The following ADAM9 variants were observed in gnomAD, a reference collection of about 807,000 sequenced individuals.
The protein encoded by ADAM9 is disintegrin and metalloproteinase domain-containing protein 9.
Under a neutral mutation model 108.1 loss-of-function variants are expected in ADAM9, and 54 were observed. The ratio of observed to expected loss-of-function variants is 0.50; its 90% CI spans 0.40 to 0.63. The LOEUF (loss-of-function observed/expected upper bound fraction) is 0.63, where lower values mean the gene tolerates loss of function less well. ADAM9 is among the 20% of genes least tolerant of loss of function. ADAM9 has a pLI of 0.00. For missense variants in ADAM9, 830 were observed against 997.7 expected (o/e 0.83, Z 2.26); for synonymous variants, 316 against 336.0 (o/e 0.94, Z 0.65).
intron 20 of ADAM9, among the ~76,000 whole-genome samples, chr8:39,094,572 CT>C (rs1410182140): frequency 3.3e-5 from 5 of 152,108 alleles, no homozygotes; most frequent in Non-Finnish European, 7.4e-5. Context: ...TAATGGGAGA[CT>C]TTTTAAAGTT....
chr8:39,045,656 A>T (rs2129437300), intron 12 of ADAM9, among the ~76,000 whole-genome samples: 1 of 151,918 alleles, frequency 6.6e-6, no homozygotes, highest in African/African-American at 2.4e-5. Flanking sequence ...TGGTATTGTG[A>T]ATAGTGCTGC....
At chr8:39,013,826 A>G in intron 3 of ADAM9, 139 bp from the exon 4 acceptor site, 1 of 726,822 alleles carries the variant, frequency 1.4e-6, no homozygotes, top group Non-Finnish European at 2.4e-6. Context: ...ATTTTACAAT[A>G]GCACATTTAA....
In ADAM9 at chr8:39,023,227, C is replaced by G. The variant is rs1298352861; in HGVS notation, c.816C>G (p.Asn272Lys). 6.2e-7 allele frequency: 1 copy of G among 1,613,618 alleles called. No homozygotes were observed. The highest frequency in any genetic ancestry group is 8.5e-7 in the Non-Finnish European group (1 of 1,179,912). Residue 272 changes from asparagine (N) to lysine (K), a missense_variant, in exon 9 of 22, where the codon AAC becomes AAG. Physicochemically the swap from Asn to Lys is moderately conservative, Grantham distance 94 (BLOSUM62 0). Transcript: ENST00000487273. The part of the protein sequence containing the change: ...LEIWTNGNLI[N>K]IVGGAGDVLG... ...TTTGGACCAATGGAAACCTGATCAA[C>G]ATAGTTGGGGGTGCTGGTGATGTGC... is the stretch of plus-strand genomic sequence containing the variant.
At chr8:39,096,787 T>A (rs926753733) in intron 20 of ADAM9, among the ~76,000 whole-genome samples, 31 of 152,194 alleles carry the variant, frequency 2.0e-4, no homozygotes, top group African/African-American at 6.8e-4. Flanking sequence ...TTAGTGAATC[T>A]TTCAATTTAG....
chr8:39,000,282 G>T lies in ADAM9; in HGVS notation c.97+3122G>T, dbSNP rs1265946154. 4.6e-5 allele frequency among the ~76,000 whole-genome samples: 7 copies of T among 152,138 alleles called. No homozygotes were observed. The South Asian group carries it at 1.2e-3, about 27-fold the overall frequency. On this transcript the variant is annotated intron_variant, in intron 1 of 21. Transcript: ENST00000487273. ...GCTGAGACTACAGGCATGAGCCACCGCGCCCCAGCCTCTCTCACAGTCTTT... is the reference window on the plus strand; with the variant it reads ...GCTGAGACTACAGGCATGAGCCACCTCGCCCCAGCCTCTCTCACAGTCTTT...
chr8:39,101,778 A>AT, intron 20 of ADAM9, 85 bp from the exon 21 acceptor site: 1 of 1,091,130 alleles, frequency 9.2e-7, no homozygotes, highest in Non-Finnish European at 1.4e-6. Context: ...CTGTTTATTG[A>AT]TTTTAAATAT....
chr8:39,026,280 G>C (rs138092608), intron 10 of ADAM9, among the ~76,000 whole-genome samples: 2 of 152,244 alleles, frequency 1.3e-5, no homozygotes, highest in African/African-American at 4.8e-5. Context: ...ACAGGCCCCG[G>C]TGTGTGATGT....
chr8:39,006,057 C>G (rs1836150916), intron 1 of ADAM9, among the ~76,000 whole-genome samples: 1 of 152,144 alleles, frequency 6.6e-6, no homozygotes, highest in African/African-American at 2.4e-5. Flanking sequence ...TAGTGACAGT[C>G]TTTATTTACA....
Position 39,104,954 on chromosome 8 carries a change from A to T in ADAM9, c.*1254A>T, listed in dbSNP as rs374332701. On this transcript the variant is annotated 3_prime_UTR_variant, in exon 22 of 22. Coordinates refer to ENST00000487273, the MANE Select transcript of ADAM9 (RefSeq NM_003816.3). ...AAGTGTTTTTGGTTTGTGTATATATACATATACAAATACAACATTTACAAT... is the reference window on the plus strand; with the variant it reads ...AAGTGTTTTTGGTTTGTGTATATATTCATATACAAATACAACATTTACAAT... 99 of 427,958 alleles carry T rather than the reference A, an allele frequency of 2.3e-4. 1 individual carries two copies. In the East Asian group the frequency reaches 6.9e-3, roughly 30 times the overall value. 26.5% of individuals were successfully genotyped at this position (427,958 alleles called of 1,614,324 possible).
At chr8:39,102,172 G>A (rs1254647343) in intron 21 of ADAM9, among the ~76,000 whole-genome samples, 1 of 152,162 alleles carries the variant, frequency 6.6e-6, no homozygotes, top group Non-Finnish European at 1.5e-5. Flanking sequence ...CAGCTTTCAT[G>A]TGCATACGAT....
intron 16 of ADAM9, 29 bp from the exon 17 acceptor site, chr8:39,082,612 T>C: frequency 6.3e-7 from 1 of 1,574,826 alleles, no homozygotes; most frequent in Non-Finnish European, 8.7e-7. Flanking sequence ...TCAATCTTTC[T>C]TTACTTAGTT....
chr8:39,069,342 G>C (rs1343379291), intron 14 of ADAM9, among the ~76,000 whole-genome samples: 1 of 152,072 alleles, frequency 6.6e-6, no homozygotes, highest in Non-Finnish European at 1.5e-5. Context: ...GATGGCTTCT[G>C]ATTTTAAAGA....
chr8:39,023,248 T>C lies in ADAM9; in HGVS notation c.837T>C (p.Asp279=), dbSNP rs777356419. 1.4e-5 allele frequency: 23 copies of C among 1,613,736 alleles called. No homozygotes were observed. The highest frequency in any genetic ancestry group is 3.3e-5 in the Admixed American group (2 of 59,990). The change falls in exon 9 of 22, where the codon GAT becomes GAC. Residue 279 remains aspartate, a synonymous_variant. Coordinates refer to ENST00000487273, the MANE Select transcript of ADAM9 (RefSeq NM_003816.3). The part of the protein sequence containing the change: ...NLINIVGGAG[D]VLGNFVQWRE... ...TCAACATAGTTGGGGGTGCTGGTGA[T>C]GTGCTGGGGAACTTCGTGCAGTGGC...
In ADAM9 at chr8:39,104,190, A is replaced by G. The variant is rs1282382945; in HGVS notation, c.*490A>G. 4 of 454,146 alleles carry G rather than the reference A, an allele frequency of 8.8e-6. No homozygotes were observed. The Admixed American group carries it at 9.4e-5, about 11-fold the overall frequency. The allele number at this position is 454,146 out of a possible 1,614,324, so 28.1% of individuals were successfully genotyped here. On this transcript the variant is annotated 3_prime_UTR_variant, in exon 22 of 22. Coordinates refer to ENST00000487273, the MANE Select transcript of ADAM9 (RefSeq NM_003816.3). ...TTTCATCATGCACGAATTAATAATC[A>G]TCATACTCTAGAATCTTGTCTGTCA...
chr8:39,039,458 A>C (rs908166802), intron 11 of ADAM9, among the ~76,000 whole-genome samples: 3 of 152,182 alleles, frequency 2.0e-5, no homozygotes, highest in Non-Finnish European at 4.4e-5. Context: ...ATGTAATACA[A>C]TATTATTATC....
At chr8:39,016,853 C>A (rs1242372084) in intron 5 of ADAM9, among the ~76,000 whole-genome samples, 1 of 152,184 alleles carries the variant, frequency 6.6e-6, no homozygotes, top group Non-Finnish European at 1.5e-5. Context: ...AGAGTGCAAA[C>A]CAAGGCAGAG....
intron 15 of ADAM9, among the ~76,000 whole-genome samples, chr8:39,072,161 T>G (rs1275223777): frequency 6.6e-6 from 1 of 152,236 alleles, no homozygotes; most frequent in Non-Finnish European, 1.5e-5. Context: ...AAAACATTAA[T>G]AATGAAACAT....
At chr8:39,045,488 GCGTGTGTATA>G in intron 12 of ADAM9, among the ~76,000 whole-genome samples, 1 of 149,190 alleles carries the variant, frequency 6.7e-6, no homozygotes, top group African/African-American at 2.5e-5. Flanking sequence ...ACCTATATGT[GCGTGTGTATA>G]CATATGTGTG....
chr8:39,055,630 A>G lies in ADAM9; in HGVS notation c.1449A>G (p.Pro483=), dbSNP rs1440139690. The G allele has an allele frequency of 1.9e-6, 3 of 1,613,692 alleles. No homozygotes were observed. The highest frequency in any genetic ancestry group is 2.5e-6 in the Non-Finnish European group (3 of 1,179,760). Residue 483 remains proline, a synonymous_variant, in exon 14 of 22, where the codon CCA becomes CCG. Coordinates refer to ENST00000487273, the MANE Select transcript of ADAM9 (RefSeq NM_003816.3). ...GAAAAACCAGTGAGTGTGATGTTCC[A>G]GAGTACTGCAATGGTTCTTCTCAGT... ...CRGKTSECDV[P]EYCNGSSQFC...
Sources: gnomAD v4.1 joint callset for allele counts (sites outside exome capture counted in the v4.1 genomes callset) on GRCh38, gnomAD v4.1.1 for gene constraint, MANE v1.5 for transcripts, NCBI Gene and HGNC (gene_info 2026-07-23, HGNC 2026-07-21) for gene names.